The following ADAMDEC1 variants were observed in gnomAD, a reference collection of about 807,000 sequenced individuals.
The protein encoded by ADAMDEC1 is ADAM like decysin 1.
A neutral mutation model predicts 60.4 loss-of-function variants in ADAMDEC1; 62 were observed. The ratio of observed to expected loss-of-function variants is 1.03; its 90% CI spans 0.84 to 1.27. The LOEUF (loss-of-function observed/expected upper bound fraction) is 1.27, where lower values mean the gene tolerates loss of function less well. Among genes scored for constraint, ADAMDEC1 ranks in the 50% most tolerant of loss-of-function variants. The pLI is 0.00. For synonymous variants in ADAMDEC1, 210 were observed against 195.1 expected (o/e 1.08, Z -0.64); for missense variants, 595 against 565.0 (o/e 1.05, Z -0.54).
rs999208647 is a variant in ADAMDEC1, at chr8:24,393,975, T to C, written c.285-94T>C. On this transcript the variant is annotated intron_variant, in intron 3 of 13. Transcript: ENST00000256412. Reference sequence around the variant, plus strand: ...AGGTCAGAACCTTAGCTATTTATCATTGTAGACACTATCACTATTTTAGTG... The same window carrying C: ...AGGTCAGAACCTTAGCTATTTATCACTGTAGACACTATCACTATTTTAGTG... 6.4e-5 allele frequency: 50 copies of C among 778,694 alleles called. No homozygotes were observed. The South Asian group carries it at 6.8e-4, about 11-fold the overall frequency. The allele number at this position is 778,694 out of a possible 1,614,324, so 48.2% of individuals were successfully genotyped here.
chr8:24,401,943 T>A lies in ADAMDEC1; in HGVS notation c.1171T>A (p.Ser391Thr). The A allele has an allele frequency of 6.2e-7, 1 of 1,612,218 alleles. No individual in the cohort carries two copies. ...AAAATTCCCAAAGGATTTCAGTACA[T>A]CTTGCCGTGCACATTTTGAAAGATA... is the stretch of plus-strand genomic sequence containing the variant. The part of the protein sequence containing the change: ...SSKFPKDFST[S>T]CRAHFERYLL... The change falls in exon 12 of 14, where the codon TCT (serine) becomes ACT (threonine). Residue 391 changes from serine (S) to threonine (T), a missense_variant. Ser to Thr is a moderately conservative substitution (Grantham distance 58). Transcript: ENST00000256412.
Position 24,399,458 on chromosome 8 carries a change from C to T in ADAMDEC1, c.995C>T (p.Ser332Leu), listed in dbSNP as rs749615970. The T allele has an allele frequency of 1.2e-5, 19 of 1,613,572 alleles. No individual in the cohort carries two copies. The Admixed American group carries it at 2.0e-4, about 17-fold the overall frequency. ...TCAAATTCCTTGTGTTCCCCATCTT[C>T]GGTTGCTGTTATTGAGGTTTGTAAA... ...AASNSLCSPS[S>L]VAVIEAKKKN... Residue 332 changes from serine (S) to leucine (L), a missense_variant, in exon 10 of 14, where the codon TCG becomes TTG. Ser to Leu is a moderately radical substitution (Grantham distance 145, BLOSUM62 -2). Coordinates refer to ENST00000256412, the MANE Select transcript of ADAMDEC1 (RefSeq NM_014479.3).
intron 7 of ADAMDEC1, 99 bp downstream of exon 7, chr8:24,397,844 G>A (rs1817656226): frequency 8.8e-7 from 1 of 1,141,222 alleles, no homozygotes; most frequent in South Asian, 1.4e-5. Flanking sequence ...CTAATCATGG[G>A]GCATTTGTCC....
chr8:24,405,247 C>G, intron 13 of ADAMDEC1, 45 bp from the exon 14 acceptor site: 1 of 1,582,328 alleles, frequency 6.3e-7, no homozygotes, highest in Non-Finnish European at 8.7e-7. Context: ...TATTTTGTAA[C>G]TTGTAATAAC....
At chr8:24,390,143 T>C in intron 1 of ADAMDEC1, 1 of 741,532 alleles carries the variant, frequency 1.3e-6, no homozygotes, top group Non-Finnish European at 2.0e-6. Flanking sequence ...AAACTGTGCG[T>C]GGCCTAAAGT....
chr8:24,393,502 A>G (rs1460770028), intron 3 of ADAMDEC1, among the ~76,000 whole-genome samples, 164 bp downstream of exon 3: 1 of 152,218 alleles, frequency 6.6e-6, no homozygotes, highest in Non-Finnish European at 1.5e-5. Context: ...CTAGGAAATT[A>G]TATACAAAAT....
In ADAMDEC1 at chr8:24,397,276, C is replaced by G. The variant is rs1817637964; in HGVS notation, c.447C>G (p.Tyr149Ter). The G allele has an allele frequency of 6.2e-7, 1 of 1,612,246 alleles. No homozygotes were observed. The highest frequency in any genetic ancestry group is 8.5e-7 in the Non-Finnish European group (1 of 1,179,406). Residue 149 changes from tyrosine to a stop codon, truncating the protein, a stop_gained, in exon 6 of 14, where the codon TAC becomes TAG. Coordinates refer to ENST00000256412, the MANE Select transcript of ADAMDEC1 (RefSeq NM_014479.3). LOFTEE classifies it high-confidence loss of function. ...SISTCDGLRG[Y>*]FTHHHQRYQI... is the part of the protein sequence containing the mutation. Reference sequence around the variant, plus strand: ...AAGTCTCTATATCTCCCAGAGGATACTTCACACATCATCACCAAAGATACC... The same window carrying G: ...AAGTCTCTATATCTCCCAGAGGATAGTTCACACATCATCACCAAAGATACC...
intron 2 of ADAMDEC1, among the ~76,000 whole-genome samples, chr8:24,392,619 C>T (rs1320338346): frequency 6.6e-6 from 1 of 152,174 alleles, no homozygotes; most frequent in Non-Finnish European, 1.5e-5. Flanking sequence ...TTAGACATTT[C>T]TCTTAAGTTT....
Position 24,399,477 on chromosome 8 carries a change from T to A in ADAMDEC1, c.1011+3T>A. The A allele has an allele frequency of 6.2e-7, 1 of 1,611,350 alleles. No individual in the cohort carries two copies. Among genetic ancestry groups the A allele is most frequent in the Non-Finnish European group, 8.5e-7 (1 of 1,177,592 alleles). On this transcript the variant is annotated splice_donor_region_variant and intron_variant, in intron 10 of 13. Coordinates refer to ENST00000256412, the MANE Select transcript of ADAMDEC1 (RefSeq NM_014479.3). Reference sequence around the variant, plus strand: ...CATCTTCGGTTGCTGTTATTGAGGTTTGTAAATTTGTAGTAAGGCTCTCTG... The same window carrying A: ...CATCTTCGGTTGCTGTTATTGAGGTATGTAAATTTGTAGTAAGGCTCTCTG...
rs1017438192 is a variant in ADAMDEC1 at position 24,399,024 on chromosome 8, C to G, written c.913C>G (p.His305Asp). 2 of 1,612,806 alleles carry G rather than the reference C, an allele frequency of 1.2e-6. No homozygotes were observed. The highest frequency in any genetic ancestry group is 1.7e-5 in the Admixed American group (1 of 59,780). Residue 305 changes from histidine to aspartate, a missense_variant, in exon 9 of 14, where the codon CAT (histidine) becomes GAT (aspartate). Physicochemically the swap from His to Asp is moderately conservative, Grantham distance 81. Transcript: ENST00000256412. ...SSNLGKKIHD[H>D]AQLLSGISFN... ...TAACCTGGGGAAAAAGATCCACGAC[C>G]ATGCTCAGCTTCTCAGGTGAGCACA...
At position 24,385,345 on chromosome 8, in the gene ADAMDEC1, G is replaced by A. The variant is rs545793920; in HGVS notation, c.88+753G>A. On this transcript the variant is annotated intron_variant, in intron 1 of 13. Coordinates refer to ENST00000256412, the MANE Select transcript of ADAMDEC1 (RefSeq NM_014479.3). ...GCCTAAAAGTTGCCGTGCAAAAGCT[G>A]CACACATACGGCTGGCTCTAGCCTT... Among the ~76,000 whole-genome samples the A allele has an allele frequency of 2.0e-5, 3 of 152,244 alleles. No individual in the cohort carries two copies. In the East Asian group the frequency reaches 5.8e-4, roughly 29 times the overall value.
chr8:24,397,097 T>C (rs542836906), intron 5 of ADAMDEC1, among the ~76,000 whole-genome samples, 173 bp from the exon 6 acceptor site: 2 of 152,358 alleles, frequency 1.3e-5, no homozygotes, highest in East Asian at 3.9e-4. Context: ...GGCTTCATTT[T>C]ATATCGACAA....
chr8:24,398,081 A>G (rs1395760898), intron 7 of ADAMDEC1, among the ~76,000 whole-genome samples: 1 of 150,608 alleles, frequency 6.6e-6, no homozygotes, highest in East Asian at 1.9e-4. Flanking sequence ...TATTATATCA[A>G]TATAAAATCA....
chr8:24,404,175 C>A, intron 13 of ADAMDEC1, 87 bp downstream of exon 13: 1 of 1,094,938 alleles, frequency 9.1e-7, no homozygotes, highest in Non-Finnish European at 1.3e-6. Context: ...TTCCATAATA[C>A]ACTAAAACAC....
At chr8:24,385,351 A>G (rs564017568) in intron 1 of ADAMDEC1, among the ~76,000 whole-genome samples, 1 of 152,278 alleles carries the variant, frequency 6.6e-6, no homozygotes, top group East Asian at 1.9e-4. Context: ...AGCTGCACAC[A>G]TACGGCTGGC....
Position 24,397,253 on chromosome 8 carries a change from G to A in ADAMDEC1, c.441-17G>A. ...GTGTGTCAGGAATCCTGAAATATAA[G>A]TCTCTATATCTCCCAGAGGATACTT... On this transcript the variant is annotated splice_polypyrimidine_tract_variant and intron_variant, in intron 5 of 13. Transcript: ENST00000256412. 6.3e-7 allele frequency: 1 copy of A among 1,595,742 alleles called. No homozygotes were observed. Among genetic ancestry groups the A allele is most frequent in the East Asian group, 2.2e-5 (1 of 44,602 alleles).
At chr8:24,387,906 T>G (rs1425216647) in intron 1 of ADAMDEC1, 1 of 152,542 alleles carries the variant, frequency 6.6e-6, no homozygotes, top group African/African-American at 2.4e-5. Context: ...AGCAGCTAGG[T>G]GACTGCCTGG....
intron 8 of ADAMDEC1, 87 bp downstream of exon 8, chr8:24,398,638 A>C (rs1817677606): frequency 9.2e-7 from 1 of 1,088,502 alleles, no homozygotes; most frequent in Non-Finnish European, 1.3e-6. Flanking sequence ...CAAGAAGTTA[A>C]AAAGATCCCA....
chr8:24,397,773 G>A, intron 7 of ADAMDEC1, 28 bp downstream of exon 7: 1 of 1,601,032 alleles, frequency 6.2e-7, no homozygotes. Context: ...GGCCCTCTCG[G>A]CCAGTTCAGT....
Sources: allele counts gnomAD v4.1 joint callset (sites outside exome capture counted in the v4.1 genomes callset), GRCh38; gene constraint gnomAD v4.1.1; transcripts MANE v1.5; gene names NCBI Gene and HGNC (gene_info 2026-07-23, HGNC 2026-07-21).